The following AFF1 variants were observed in gnomAD, a reference collection of about 807,000 sequenced individuals.
AFF1 encodes ALF transcription elongation factor 1, also known as AF4/FMR2 family member 1.
A neutral mutation model predicts 121.7 loss-of-function variants in AFF1; 48 were observed. That is an observed-to-expected ratio of 0.39 (90% CI 0.31 to 0.50). AFF1 has a LOEUF of 0.50. Ranked by LOEUF, AFF1 falls within the 20% of genes least tolerant of loss-of-function variation. The pLI is 0.76. For synonymous variants in AFF1, 613 were observed against 563.0 expected, an observed-to-expected ratio of 1.09 and a Z score of -1.26; for missense variants, 1,523 against 1,511.7, an observed-to-expected ratio of 1.01 and a Z score of -0.12.
chr4:86,986,812 AAT>A (rs1724320514), intron 2 of AFF1, among the ~76,000 whole-genome samples: 1 of 152,176 alleles, frequency 6.6e-6, no homozygotes, highest in Non-Finnish European at 1.5e-5. Context: ...AATATCAAGT[AAT>A]AAACATTTTA....
At position 87,127,701 on chromosome 4, in the gene AFF1, A is replaced by G. The variant is rs777133222; in HGVS notation, c.2962A>G (p.Met988Val). 5.0e-6 allele frequency: 8 copies of G among 1,614,198 alleles called. No homozygotes were observed. Among genetic ancestry groups the G allele is most frequent in the South Asian group, 1.1e-5 (1 of 91,086 alleles). ...AKKMKQKAEL[M>V]TDRVGKAFKY... ...AAAGATGAAGCAGAAAGCAGAGTTAATGGTTAGTATTGGCCCTTTATCTCT... is the reference window on the plus strand; with the variant it reads ...AAAGATGAAGCAGAAAGCAGAGTTAGTGGTTAGTATTGGCCCTTTATCTCT... The change falls in exon 16 of 21, where the codon ATG becomes GTG. Residue 988 changes from methionine (M) to valine (V), a missense_variant and splice_region_variant. Physicochemically the swap from Met to Val is conservative, Grantham distance 21. Around this residue, in one of 5 missense-constraint regions of AFF1, gnomAD observed 905 missense variants for 842.5 expected, o/e 1.07. Coordinates refer to ENST00000395146, the MANE Select transcript of AFF1 (RefSeq NM_001166693.3).
At position 86,958,670 on chromosome 4, in the gene AFF1, A is replaced by G. The variant is rs147624560; in HGVS notation, c.38+10099A>G. ...GAGGCAGAGGTTGCAGTGAGCCGAGATTGTGCCACTGCACTCCAGCCTGGG... is the reference window on the plus strand; with the variant it reads ...GAGGCAGAGGTTGCAGTGAGCCGAGGTTGTGCCACTGCACTCCAGCCTGGG... On this transcript the variant is annotated intron_variant, in intron 2 of 20. Coordinates refer to ENST00000395146, the MANE Select transcript of AFF1 (RefSeq NM_001166693.3). Among the ~76,000 whole-genome samples the G allele has an allele frequency of 3.2e-3, 489 of 152,238 alleles. 5 individuals are homozygous for G. Among genetic ancestry groups the G allele is most frequent in the African/African-American group, 0.011 (469 of 41,568 alleles).
rs1255554698 is a variant in AFF1, at chr4:87,111,207, C to T, written c.1533+2892C>T. Among the ~76,000 whole-genome samples the T allele has an allele frequency of 1.1e-3, 73 of 69,058 alleles. 26 individuals are homozygous for T. In the East Asian group the frequency reaches 0.027, roughly 25 times the overall value. The allele number at this position is 69,058 out of a possible 152,430, so 45.3% of individuals were successfully genotyped here. ...TATTTTTTTTTTTTTTTAGTAGAGACGGGGTTTCACCGTGTTAGCCAGGAT... is the reference window on the plus strand; with the variant it reads ...TATTTTTTTTTTTTTTTAGTAGAGATGGGGTTTCACCGTGTTAGCCAGGAT... On this transcript the variant is annotated intron_variant, in intron 11 of 20. Coordinates refer to ENST00000395146, the MANE Select transcript of AFF1 (RefSeq NM_001166693.3).
intron 4 of AFF1, among the ~76,000 whole-genome samples, chr4:87,050,640 A>G (rs1045783595): frequency 1.3e-5 from 2 of 152,204 alleles, no homozygotes; most frequent in Admixed American, 1.3e-4. Context: ...AAAAATTATC[A>G]AAAGGTCGGT....
chr4:87,053,209 C>G (rs1731442732), intron 4 of AFF1, among the ~76,000 whole-genome samples: 1 of 152,186 alleles, frequency 6.6e-6, no homozygotes, highest in South Asian at 2.1e-4. Flanking sequence ...GCTTTGAGTC[C>G]TGATTGTGAC....
chr4:87,000,127 T>C (rs1186993810), intron 2 of AFF1, among the ~76,000 whole-genome samples: 1 of 152,206 alleles, frequency 6.6e-6, no homozygotes, highest in Non-Finnish European at 1.5e-5. Flanking sequence ...AGCATGCTCA[T>C]ATAAATAAAT....
chr4:87,083,935 A>G (rs552666553), intron 4 of AFF1, among the ~76,000 whole-genome samples, 185 bp from the exon 5 acceptor site: 21 of 152,098 alleles, frequency 1.4e-4, no homozygotes, highest in African/African-American at 4.3e-4. Context: ...GCTAATTTTT[A>G]TATTGCTTTT....
chr4:87,127,530 C>G (rs1560658124), intron 15 of AFF1, 113 bp from the exon 16 acceptor site: 1 of 910,732 alleles, frequency 1.1e-6, no homozygotes. Flanking sequence ...CTTTGTTTAC[C>G]CTCTCTCCTC....
In AFF1 at chr4:87,127,035, G is replaced by A. The variant is rs775348035; in HGVS notation, c.2821G>A (p.Gly941Arg). The A allele has an allele frequency of 2.0e-5, 32 of 1,613,274 alleles. No homozygotes were observed. The Middle Eastern group carries it at 4.9e-4, about 25-fold the overall frequency. ...RSSSEHKGSS[G>R]DTANPFPVPS... ...GATTTTTTTTTTGAAGGGTTCTTCC[G>A]GAGATACTGCAAATCCTTTTCCAGT... The change falls in exon 15 of 21, where the codon GGA becomes AGA. Residue 941 changes from glycine to arginine, a missense_variant. Coordinates refer to ENST00000395146, the MANE Select transcript of AFF1 (RefSeq NM_001166693.3).
intron 12 of AFF1, among the ~76,000 whole-genome samples, chr4:87,123,872 G>T (rs1363239645): frequency 6.6e-6 from 1 of 152,210 alleles, no homozygotes; most frequent in Non-Finnish European, 1.5e-5. Context: ...TTTCAGGTTT[G>T]TTAGGGATTG....
chr4:87,031,818 T>C (rs1369716500), intron 2 of AFF1, among the ~76,000 whole-genome samples: 1 of 152,222 alleles, frequency 6.6e-6, no homozygotes, highest in East Asian at 1.9e-4. Context: ...ATGGAAACTT[T>C]ACAGCCTTAT....
At chr4:87,048,931 G>A (rs1730989934) in intron 4 of AFF1, among the ~76,000 whole-genome samples, 1 of 152,090 alleles carries the variant, frequency 6.6e-6, no homozygotes, top group African/African-American at 2.4e-5. Context: ...ATGGAGGTAG[G>A]GGTAGGCAGC....
rs1326558312 is a variant in AFF1, at chr4:87,115,026, C to A, written c.2193C>A (p.Cys731Ter). The stretch of plus-strand genomic sequence containing the variant: ...GCAGCGGCAGCAGGACTAGTGGCTG[C>A]CGCCAAGCCGTGGTGGTCCAGGAGG... ...HSGSGSRTSG[C>*]RQAVVVQEDS... The change falls in exon 12 of 21, where the codon TGC becomes TGA. Residue 731 changes from cysteine (C) to a stop codon, truncating the protein, a stop_gained. Transcript: ENST00000395146. LOFTEE classifies it high-confidence loss of function. 2 of 1,611,920 alleles carry A rather than the reference C, an allele frequency of 1.2e-6. No homozygotes were observed. The highest frequency in any genetic ancestry group is 1.7e-6 in the Non-Finnish European group (2 of 1,179,516).
chr4:87,067,246 G>T (rs1158324012), intron 4 of AFF1, among the ~76,000 whole-genome samples: 3 of 152,190 alleles, frequency 2.0e-5, no homozygotes, highest in Non-Finnish European at 4.4e-5. Flanking sequence ...AACATACTCT[G>T]TGTGTACAGG....
intron 2 of AFF1, among the ~76,000 whole-genome samples, chr4:86,970,327 T>TACA (rs796395771): frequency 3.9e-5 from 6 of 152,122 alleles, no homozygotes; most frequent in Admixed American, 6.6e-5. Context: ...ACCTCGTCTC[T>TACA]ACAACAACAA....
intron 2 of AFF1, among the ~76,000 whole-genome samples, chr4:86,976,247 A>G (rs374023362): frequency 2.6e-5 from 4 of 152,136 alleles, no homozygotes; most frequent in African/African-American, 9.7e-5. Flanking sequence ...TAACACATCT[A>G]TACTCACATT....
intron 2 of AFF1, among the ~76,000 whole-genome samples, chr4:87,000,528 G>A (rs1026968418): frequency 8.5e-5 from 13 of 152,058 alleles, no homozygotes; most frequent in Non-Finnish European, 1.9e-4. Context: ...AACTGGCTGG[G>A]TGGGGGTATA....
chr4:86,991,107 G>T (rs1000203931), intron 2 of AFF1, among the ~76,000 whole-genome samples: 1 of 151,162 alleles, frequency 6.6e-6, no homozygotes, highest in Admixed American at 6.6e-5. Context: ...AGTCGAGATC[G>T]TGCCATTGCA....
chr4:87,022,797 G>GTA (rs1319979672), intron 2 of AFF1, among the ~76,000 whole-genome samples: 26 of 150,642 alleles, frequency 1.7e-4, no homozygotes, highest in South Asian at 1.5e-3. Context: ...TCACGTGTGT[G>GTA]TATATATATG....
Sources: gnomAD v4.1 joint callset for allele counts (sites outside exome capture counted in the v4.1 genomes callset) on GRCh38, gnomAD v4.1.1 for gene constraint, gnomAD v4.1.1 regional missense constraint, MANE v1.5 for transcripts, NCBI Gene and HGNC (gene_info 2026-07-23, HGNC 2026-07-21) for gene names.